The following SLC1A7 variants were observed in gnomAD, a reference collection of about 807,000 sequenced individuals.
The protein encoded by SLC1A7 is solute carrier family 1 member 7.
Under a neutral mutation model 47.7 loss-of-function variants are expected in SLC1A7, and 40 were observed. The ratio of observed to expected loss-of-function variants is 0.84; its 90% CI spans 0.65 to 1.09. SLC1A7 has a LOEUF of 1.09. Among genes scored for constraint, SLC1A7 ranks in the 50% least tolerant of loss-of-function variants. The pLI is 0.00. For synonymous variants in SLC1A7, 323 were observed against 325.6 expected, an observed-to-expected ratio of 0.99 and a Z score of 0.09; for missense variants, 746 against 769.5, an observed-to-expected ratio of 0.97 and a Z score of 0.36.
At chr1:53,106,983 C>G (rs1291912932) in intron 3 of SLC1A7, among the ~76,000 whole-genome samples, 1 of 151,740 alleles carries the variant, frequency 6.6e-6, no homozygotes, top group Admixed American at 6.6e-5. Flanking sequence ...GGCGAAACCC[C>G]GTCTCTACTA....
intron 3 of SLC1A7, among the ~76,000 whole-genome samples, chr1:53,108,975 G>A (rs558517852): frequency 9.9e-5 from 15 of 152,114 alleles, no homozygotes; most frequent in South Asian, 8.3e-4. Context: ...GAGCCTTCAC[G>A]GGAAGACTTT....
intron 5 of SLC1A7, 31 bp downstream of exon 5, chr1:53,103,315 C>T (rs555395552): frequency 8.6e-6 from 13 of 1,520,112 alleles, no homozygotes; most frequent in South Asian, 2.5e-5. Context: ...CCCGGCTCCA[C>T]GGCACTGCTG....
intron 8 of SLC1A7, 135 bp from the exon 9 acceptor site, chr1:53,090,069 C>T: frequency 4.7e-6 from 4 of 856,462 alleles, no homozygotes; most frequent in Non-Finnish European, 7.5e-6. Flanking sequence ...AGGAATGCCA[C>T]ACCAGGGAGC....
At chr1:53,110,245 G>A (rs1291373652) in intron 3 of SLC1A7, among the ~76,000 whole-genome samples, 3 of 152,194 alleles carry the variant, frequency 2.0e-5, no homozygotes, top group Non-Finnish European at 4.4e-5. Flanking sequence ...GAGGGGAACT[G>A]GCCTGCCCAG....
intron 9 of SLC1A7, among the ~76,000 whole-genome samples, chr1:53,089,567 T>C (rs1042172238): frequency 6.6e-6 from 1 of 152,254 alleles, no homozygotes; most frequent in South Asian, 2.1e-4. Flanking sequence ...TGAGTCATCA[T>C]GCCTGGCCTT....
At chr1:53,139,090 T>G (rs1012232804) in intron 1 of SLC1A7, among the ~76,000 whole-genome samples, 4 of 152,208 alleles carry the variant, frequency 2.6e-5, no homozygotes, top group Non-Finnish European at 4.4e-5. Flanking sequence ...ACATTTCTGG[T>G]GGCGTGGCTT....
intron 4 of SLC1A7, among the ~76,000 whole-genome samples, chr1:53,103,884 C>A (rs957708392): frequency 6.6e-6 from 1 of 152,078 alleles, no homozygotes; most frequent in Non-Finnish European, 1.5e-5. Context: ...CCCAAGTAAC[C>A]CTTTATCCAC....
intron 3 of SLC1A7, among the ~76,000 whole-genome samples, chr1:53,106,171 G>T (rs1484932681): frequency 6.6e-6 from 1 of 152,110 alleles, no homozygotes. Context: ...GCGGTCACTG[G>T]CTCACCTGTC....
At position 53,087,984 on chromosome 1, in the gene SLC1A7, C is replaced by T. The variant is rs766887705; in HGVS notation, c.*25G>A. On this transcript the variant is annotated 3_prime_UTR_variant, in exon 11 of 11. Transcript: ENST00000371494. ...CTCAGGACCCTGCCCCTGGAGGCCT[C>T]GCCTGCCCCTGCAGCTCCGCAGGCT... The T allele has an allele frequency of 1.4e-5, 17 of 1,242,082 alleles. No homozygotes were observed. Among genetic ancestry groups the T allele is most frequent in the Middle Eastern group, 2.5e-4 (1 of 3,998 alleles). 76.9% of individuals were successfully genotyped at this position (1,242,082 alleles called of 1,614,324 possible).
At chr1:53,095,691 ACT>A (rs1308950267) in intron 5 of SLC1A7, among the ~76,000 whole-genome samples, 1 of 146,544 alleles carries the variant, frequency 6.8e-6, no homozygotes, top group African/African-American at 2.6e-5. Flanking sequence ...AGCTCAATAC[ACT>A]CACACACCCT....
chr1:53,107,072 C>T (rs1644650738), intron 3 of SLC1A7, among the ~76,000 whole-genome samples: 1 of 141,392 alleles, frequency 7.1e-6, no homozygotes, highest in Admixed American at 7.5e-5. Context: ...TGCAGAATTG[C>T]TTGAACCCGG....
At chr1:53,097,654 A>G (rs1644513428) in intron 5 of SLC1A7, among the ~76,000 whole-genome samples, 1 of 149,962 alleles carries the variant, frequency 6.7e-6, no homozygotes, top group Admixed American at 6.6e-5. Context: ...AAGCACTCAC[A>G]CATCCCACCT....
In SLC1A7 at chr1:53,142,368, TGACA is replaced by T. The variant is rs1313013278; in HGVS notation, c.78_81del (p.Val27SerfsTer10). The T allele has an allele frequency of 1.9e-6, 3 of 1,597,582 alleles. No homozygotes were observed. The highest frequency in any genetic ancestry group is 1.1e-5 in the South Asian group (1 of 88,120). On this transcript the variant is annotated frameshift_variant, in exon 1 of 11. Coordinates refer to ENST00000371494, the MANE Select transcript of SLC1A7 (RefSeq NM_006671.6). LOFTEE classifies it high-confidence loss of function. ...AAGAAGCCGAGGAGGCAGCCCACGA[TGACA>T]GACAGCACAGACAGGATGAGGAGTC...
intron 2 of SLC1A7, among the ~76,000 whole-genome samples, chr1:53,120,509 C>T (rs949260109): frequency 6.6e-6 from 1 of 152,178 alleles, no homozygotes; most frequent in African/African-American, 2.4e-5. Context: ...CTCTCCTCCT[C>T]GTCCACTCTG....
At position 53,124,682 on chromosome 1, in the gene SLC1A7, C is replaced by T. The variant is rs190177744; in HGVS notation, c.215+9668G>A. Reference sequence around the variant, plus strand: ...ACAAACACACACACAGAGCACCTGCCGGGACCTGCTTTGTAAATTAGCAGA... The same window carrying T: ...ACAAACACACACACAGAGCACCTGCTGGGACCTGCTTTGTAAATTAGCAGA... On this transcript the variant is annotated intron_variant, in intron 2 of 10. Coordinates refer to ENST00000371494, the MANE Select transcript of SLC1A7 (RefSeq NM_006671.6). Among the ~76,000 whole-genome samples, 383 of 152,318 alleles carry T rather than the reference C, an allele frequency of 2.5e-3. 1 individual carries two copies. Among genetic ancestry groups the T allele is most frequent in the African/African-American group, 8.8e-3 (364 of 41,560 alleles).
intron 5 of SLC1A7, among the ~76,000 whole-genome samples, chr1:53,101,217 G>A (rs945533835): frequency 6.6e-5 from 8 of 121,126 alleles, no homozygotes; most frequent in African/African-American, 2.6e-4. Flanking sequence ...ACACTGCCTT[G>A]GTACACTCAC....
rs1572349321 is a variant in SLC1A7, at chr1:53,133,714, C to T, written c.215+636G>A. Among the ~76,000 whole-genome samples, 3 of 152,250 alleles carry T rather than the reference C, an allele frequency of 2.0e-5. No individual in the cohort carries two copies. The South Asian group carries it at 6.2e-4, about 32-fold the overall frequency. On this transcript the variant is annotated intron_variant, in intron 2 of 10. Coordinates refer to ENST00000371494, the MANE Select transcript of SLC1A7 (RefSeq NM_006671.6). ...GTGATCTCCCATGATTTCCATGGCC[C>T]GCACCCTACTGGGTAAGGTCTGAAT... is the stretch of plus-strand genomic sequence containing the variant.
chr1:53,104,884 A>G (rs1644622988), intron 4 of SLC1A7, among the ~76,000 whole-genome samples: 1 of 152,274 alleles, frequency 6.6e-6, no homozygotes, highest in Non-Finnish European at 1.5e-5. Flanking sequence ...ACTGAGCACA[A>G]GGACATTCAC....
intron 2 of SLC1A7, among the ~76,000 whole-genome samples, chr1:53,122,096 G>T (rs1158173434): frequency 1.3e-5 from 2 of 152,102 alleles, no homozygotes; most frequent in Non-Finnish European, 2.9e-5. Flanking sequence ...AAGCCCTAGG[G>T]CTCTCAGCTC....
Sources: gnomAD v4.1 joint callset for allele counts (sites outside exome capture counted in the v4.1 genomes callset) on GRCh38, gnomAD v4.1.1 for gene constraint, MANE v1.5 for transcripts, NCBI Gene and HGNC (gene_info 2026-07-23, HGNC 2026-07-21) for gene names.